The following TBCD variants were observed in gnomAD, a reference collection of about 807,000 sequenced individuals.
TBCD encodes the protein tubulin-specific chaperone D.
A neutral mutation model predicts 169.3 loss-of-function variants in TBCD; 105 were observed. That is an observed-to-expected ratio of 0.62 (90% CI 0.53 to 0.73). The LOEUF (loss-of-function observed/expected upper bound fraction) is 0.73, where lower values mean the gene tolerates loss of function less well. Ranked by LOEUF, TBCD falls within the 30% of genes least tolerant of loss-of-function variation. The pLI, the probability that TBCD is intolerant of heterozygous loss-of-function variation, is 0.00. For synonymous variants in TBCD, 700 were observed against 643.9 expected (o/e 1.09, Z -1.32); for missense variants, 1,444 against 1,600.1 (o/e 0.90, Z 1.66).
At chr17:82,857,579 T>A (rs1454671117) in intron 13 of TBCD, among the ~76,000 whole-genome samples, 3 of 152,134 alleles carry the variant, frequency 2.0e-5, no homozygotes, top group Non-Finnish European at 4.4e-5. Flanking sequence ...AAAAAGTATT[T>A]TGTTTTTTTG....
chr17:82,838,765 G>A (rs1341052377), intron 13 of TBCD: 1 of 985,306 alleles, frequency 1.0e-6, no homozygotes, highest in Non-Finnish European at 1.2e-6. Flanking sequence ...TTGGAAGAAT[G>A]GATCCAGAAA....
chr17:82,775,223 C>T (rs887172981), intron 6 of TBCD, among the ~76,000 whole-genome samples: 1 of 152,232 alleles, frequency 6.6e-6, no homozygotes, highest in Admixed American at 6.5e-5. Context: ...AGCCTGGGAT[C>T]CAGGAGAGGT....
rs551003188 is a variant in TBCD at position 82,832,757 on chromosome 17, C to T, written c.1318+17823C>T. On this transcript the variant is annotated intron_variant, in intron 13 of 38. Coordinates refer to ENST00000355528, the MANE Select transcript of TBCD (RefSeq NM_005993.5). The surrounding 1 kb of genome is among the most constrained non-coding windows in gnomAD (Gnocchi z 4.9). ...AGAACCCCTGAAGGGCTGAAACTGC[C>T]TGCTCCTGAGGGGAGCAGCTGCCGG... 418 of 459,850 alleles carry T rather than the reference C, an allele frequency of 9.1e-4. 2 individuals carry two copies. Among genetic ancestry groups the T allele is most frequent in the Non-Finnish European group, 1.2e-3 (300 of 250,252 alleles). 28.5% of individuals were successfully genotyped at this position (459,850 alleles called of 1,614,324 possible).
rs1230975480 is a variant in TBCD at position 82,922,040 on chromosome 17, C to T, written c.2178+463C>T. On this transcript the variant is annotated intron_variant, in intron 25 of 38. Transcript: ENST00000355528. This position sits in a 1 kb window ranked among gnomAD's most constrained non-coding sequence, Gnocchi z 4.1. The stretch of plus-strand genomic sequence containing the variant: ...TCCCCGGCCACCTGCCCTCCCCTCC[C>T]GTCCTGGGGGTTACAGGTGGACTTT... Among the ~76,000 whole-genome samples the T allele has an allele frequency of 6.6e-6, 1 of 152,158 alleles. No individual in the cohort carries two copies. The highest frequency in any genetic ancestry group is 2.4e-5 in the African/African-American group (1 of 41,436).
chr17:82,753,384 C>T (rs1397432929), intron 1 of TBCD, among the ~76,000 whole-genome samples: 3 of 151,370 alleles, frequency 2.0e-5, no homozygotes, highest in Admixed American at 1.3e-4. Context: ...GTGAGGGACC[C>T]TCATCCAGGG....
rs1470239562 is a variant in TBCD at position 82,832,377 on chromosome 17, T to C, written c.1318+17443T>C. On this transcript the variant is annotated intron_variant, in intron 13 of 38. Coordinates refer to ENST00000355528, the MANE Select transcript of TBCD (RefSeq NM_005993.5). This position sits in a 1 kb window ranked among gnomAD's most constrained non-coding sequence, Gnocchi z 4.9. ...TGCAAGTAAAGGGACATTGGAAACA[T>C]TTATACTTGAAGGGCTTTCCTGGAG... 16 of 1,614,104 alleles carry C rather than the reference T, an allele frequency of 9.9e-6. No individual in the cohort carries two copies. In the East Asian group the frequency reaches 3.6e-4, roughly 36 times the overall value.
chr17:82,883,550 G>A (rs904595291), intron 14 of TBCD, among the ~76,000 whole-genome samples: 2 of 152,182 alleles, frequency 1.3e-5, no homozygotes, highest in African/African-American at 2.4e-5. Flanking sequence ...TGTGTGGTGC[G>A]GTGGTTTTCC....
chr17:82,936,612 G>C (rs1198630740), intron 34 of TBCD, among the ~76,000 whole-genome samples: 1 of 152,216 alleles, frequency 6.6e-6, no homozygotes, highest in Non-Finnish European at 1.5e-5. Flanking sequence ...GGGCACCTGA[G>C]GAGAGGGTAG....
chr17:82,860,253 G>A (rs1276120975), intron 13 of TBCD: 3 of 412,092 alleles, frequency 7.3e-6, no homozygotes, highest in Non-Finnish European at 9.8e-6. Flanking sequence ...TGAGCAGAGC[G>A]GGTAGGAGCG....
intron 14 of TBCD, among the ~76,000 whole-genome samples, chr17:82,878,662 CTG>C (rs896957449): frequency 1.1e-4 from 16 of 152,326 alleles, no homozygotes; most frequent in African/African-American, 3.1e-4. Context: ...CTTGAGGAGA[CTG>C]TGTTTTCCTC....
Position 82,767,488 on chromosome 17 carries a change from T to C in TBCD, c.436-932T>C, listed in dbSNP as rs536299827. Among the ~76,000 whole-genome samples, 18 of 152,212 alleles carry C rather than the reference T, an allele frequency of 1.2e-4. No homozygotes were observed. In the South Asian group the frequency reaches 3.7e-3, roughly 32 times the overall value. On this transcript the variant is annotated intron_variant, in intron 4 of 38. Transcript: ENST00000355528. Reference sequence around the variant, plus strand: ...CAGAGTTTCACTCTTCTTGCCCAGGTTGGAGAGCAATGGCACAATCTTGGC... The same window carrying C: ...CAGAGTTTCACTCTTCTTGCCCAGGCTGGAGAGCAATGGCACAATCTTGGC...
intron 6 of TBCD, among the ~76,000 whole-genome samples, chr17:82,773,431 A>G (rs2048401700): frequency 1.3e-5 from 2 of 152,244 alleles, no homozygotes; most frequent in South Asian, 2.1e-4. Flanking sequence ...TGTCAAGGAC[A>G]TAAAAAGATG....
intron 32 of TBCD, chr17:82,929,886 A>C: frequency 2.6e-6 from 1 of 381,470 alleles, no homozygotes; most frequent in Non-Finnish European, 5.0e-6. Context: ...CCAGCTTCTC[A>C]TGTCTGTGGG....
rs1204157059 is a variant in TBCD at position 82,887,170 on chromosome 17, C to CGCGT, written c.1534-2495_1534-2494insTGCG. On this transcript the variant is annotated intron_variant, in intron 15 of 38. Transcript: ENST00000355528. ...GTGTGTGTGTGTGTGTGTGTGTGTG[C>CGCGT]GCGCGCGCGCACGTGCGCTCACGCG... is the stretch of plus-strand genomic sequence containing the variant. Among the ~76,000 whole-genome samples the CGCGT allele has an allele frequency of 8.6e-4, 26 of 30,142 alleles. No homozygotes were observed. In the East Asian group the frequency reaches 0.018, roughly 21 times the overall value. The allele number at this position is 30,142 out of a possible 152,430, so 19.8% of individuals were successfully genotyped here. A position where few individuals can be genotyped will look rare whatever the true frequency, so the allele number is the denominator to read the frequency against.
At chr17:82,906,761 C>T (rs192601493) in intron 20 of TBCD, among the ~76,000 whole-genome samples, 7 of 152,382 alleles carry the variant, frequency 4.6e-5, no homozygotes, top group Admixed American at 3.3e-4. Flanking sequence ...GCCCACCTCC[C>T]GCCCAAGCCT....
intron 17 of TBCD, among the ~76,000 whole-genome samples, chr17:82,899,665 T>G (rs2059758146): frequency 6.6e-6 from 1 of 152,260 alleles, no homozygotes; most frequent in Non-Finnish European, 1.5e-5. Context: ...GATAAAGAGT[T>G]AGAATTTTTA....
chr17:82,927,141 G>A (rs1463958866), intron 28 of TBCD, 45 bp from the exon 29 acceptor site: 2 of 1,611,184 alleles, frequency 1.2e-6, no homozygotes, highest in African/African-American at 1.3e-5. Context: ...TGGAAGATGA[G>A]GCTCACCGAT....
intron 17 of TBCD, 90 bp downstream of exon 17, chr17:82,893,722 C>A: frequency 1.1e-6 from 1 of 909,402 alleles, no homozygotes. Context: ...TTTTTTCATC[C>A]TGTAATGTCC....
intron 18 of TBCD, among the ~76,000 whole-genome samples, chr17:82,902,948 C>T (rs539856901): frequency 2.2e-4 from 33 of 152,248 alleles, no homozygotes; most frequent in African/African-American, 6.7e-4. Flanking sequence ...TTTCGCGGTC[C>T]GCATGTTCAA....
Sources: gnomAD v4.1 joint callset for allele counts (sites outside exome capture counted in the v4.1 genomes callset) on GRCh38, gnomAD v4.1.1 for gene constraint, Gnocchi (gnomAD v3.1) non-coding constraint, MANE v1.5 for transcripts, NCBI Gene and HGNC (gene_info 2026-07-23, HGNC 2026-07-21) for gene names.